The following RBFOX1 variants were observed in gnomAD, a reference collection of about 807,000 sequenced individuals.
RBFOX1 encodes the protein RNA binding protein fox-1 homolog 1.
In RBFOX1, 8 loss-of-function variants were observed where a neutral mutation model predicts 57.7. The observed-to-expected ratio is 0.14, with a 90% CI of 0.08 to 0.25. The LOEUF (loss-of-function observed/expected upper bound fraction) is 0.25, where lower values mean the gene tolerates loss of function less well. RBFOX1 is among the 10% of genes least tolerant of loss of function. The pLI, the probability that RBFOX1 is intolerant of heterozygous loss-of-function variation, is 1.00. For missense variants in RBFOX1, 611 were observed against 548.5 expected (o/e 1.11, Z -1.14); for synonymous variants, 326 against 222.4 (o/e 1.47, Z -4.15).
In RBFOX1 at chr16:5,298,997, T is replaced by C. The variant is rs74003856; in HGVS notation, c.219+58892T>C. 6.3e-3 allele frequency among the ~76,000 whole-genome samples: 831 copies of C among 132,820 alleles called. 11 individuals are homozygous for C. The highest frequency in any genetic ancestry group is 0.022 in the African/African-American group (768 of 34,708). 87.1% of individuals were successfully genotyped at this position (132,820 alleles called of 152,430 possible). On this transcript the variant is annotated intron_variant, in intron 1 of 2. Transcript: ENST00000585867. ...AGCATTCAATTTAATGGGTTTTGAC[T>C]TGCATACACCCACACAACCATCATG... is the stretch of plus-strand genomic sequence containing the variant.
At chr16:7,541,492 C>G (rs1026578609) in intron 5 of RBFOX1, among the ~76,000 whole-genome samples, 1 of 151,820 alleles carries the variant, frequency 6.6e-6, no homozygotes, top group African/African-American at 2.4e-5. Context: ...TTATCTCACT[C>G]AGAGTGAATT....
At chr16:7,060,726 A>C (rs1397740937) in intron 4 of RBFOX1, among the ~76,000 whole-genome samples, 1 of 152,176 alleles carries the variant, frequency 6.6e-6, no homozygotes, top group Admixed American at 6.5e-5. Context: ...TGACATTTCC[A>C]CGTATACATC....
chr16:6,784,343 A>C (rs370841233), intron 3 of RBFOX1, among the ~76,000 whole-genome samples: 3 of 152,070 alleles, frequency 2.0e-5, no homozygotes, highest in African/African-American at 7.2e-5. Context: ...ATTTTCAAAT[A>C]GCCTCTCTTT....
chr16:6,867,046 G>C (rs954417544), intron 3 of RBFOX1, among the ~76,000 whole-genome samples: 5 of 150,418 alleles, frequency 3.3e-5, no homozygotes, highest in Non-Finnish European at 7.4e-5. Flanking sequence ...TCCATGTCTT[G>C]CTATTATTAT....
At chr16:6,051,503 T>A (rs905777191) in intron 1 of RBFOX1, among the ~76,000 whole-genome samples, 1 of 152,028 alleles carries the variant, frequency 6.6e-6, no homozygotes, top group Non-Finnish European at 1.5e-5. Context: ...AATTTTTGTA[T>A]TTTTTAGTAG....
chr16:6,909,671 G>A (rs145597575), intron 3 of RBFOX1, among the ~76,000 whole-genome samples: 11 of 152,278 alleles, frequency 7.2e-5, no homozygotes, highest in Admixed American at 3.9e-4. Flanking sequence ...TAGAGAAGTC[G>A]GAATCCTATG....
chr16:6,418,531 T>TA (rs1378606038), intron 2 of RBFOX1, among the ~76,000 whole-genome samples: 12 of 145,744 alleles, frequency 8.2e-5, no homozygotes, highest in Admixed American at 8.1e-4. Context: ...TTTTTTTTTT[T>TA]TTTTTTTTTT....
chr16:7,341,070 G>A (rs780480589), intron 4 of RBFOX1, among the ~76,000 whole-genome samples: 3 of 151,968 alleles, frequency 2.0e-5, no homozygotes, highest in Non-Finnish European at 2.9e-5. Flanking sequence ...GGTTGTTTTG[G>A]GTAAGTGCTT....
At chr16:6,342,261 C>T (rs1419445476) in intron 2 of RBFOX1, among the ~76,000 whole-genome samples, 2 of 151,958 alleles carry the variant, frequency 1.3e-5, no homozygotes, top group East Asian at 1.9e-4. Context: ...GGAGAGATGG[C>T]GGTGGTCTGG....
intron 2 of RBFOX1, among the ~76,000 whole-genome samples, chr16:5,490,776 G>A (rs2042802121): frequency 6.6e-6 from 1 of 152,238 alleles, no homozygotes; most frequent in African/African-American, 2.4e-5. Flanking sequence ...TGCAGGCCGT[G>A]GGCTAGAAGT....
intron 4 of RBFOX1, among the ~76,000 whole-genome samples, chr16:7,230,390 T>A (rs1262797228): frequency 6.6e-6 from 1 of 152,154 alleles, no homozygotes; most frequent in African/African-American, 2.4e-5. Flanking sequence ...TGGCTTAACA[T>A]ATCAGCTTCC....
At chr16:7,566,077 G>A (rs958106213) in intron 5 of RBFOX1, among the ~76,000 whole-genome samples, 3 of 152,168 alleles carry the variant, frequency 2.0e-5, no homozygotes, top group Non-Finnish European at 2.9e-5. Context: ...TCCACGGGAC[G>A]CTCATATTCT....
chr16:5,996,114 C>G (rs550606602), intron 4 of RBFOX1, among the ~76,000 whole-genome samples: 2 of 152,266 alleles, frequency 1.3e-5, no homozygotes, highest in East Asian at 1.9e-4. Flanking sequence ...ATCTCACCTC[C>G]TAACACCATC....
At chr16:6,994,934 C>G (rs951729237) in intron 3 of RBFOX1, among the ~76,000 whole-genome samples, 2 of 140,584 alleles carry the variant, frequency 1.4e-5, no homozygotes, top group African/African-American at 2.7e-5. Flanking sequence ...GCATGTGATT[C>G]TTGCATTATT....
chr16:7,590,866 A>G (rs1303145822), intron 7 of RBFOX1, among the ~76,000 whole-genome samples: 2 of 130,446 alleles, frequency 1.5e-5, no homozygotes, highest in African/African-American at 3.6e-5. Context: ...TCTCTAAGAA[A>G]AAAAAAAAAA....
At chr16:7,546,623 C>A (rs190055009) in intron 5 of RBFOX1, among the ~76,000 whole-genome samples, 1 of 152,254 alleles carries the variant, frequency 6.6e-6, no homozygotes, top group Admixed American at 6.5e-5. Context: ...ATGATACCTG[C>A]TATACTGTTT....
At chr16:5,482,780 C>T (rs73510529) in intron 2 of RBFOX1, among the ~76,000 whole-genome samples, 32,417 of 152,044 alleles carry the variant, frequency 0.21, 3,717 homozygotes, top group Middle Eastern at 0.32. Flanking sequence ...CTTGGTATTG[C>T]CTCTGGGCAA....
intron 4 of RBFOX1, among the ~76,000 whole-genome samples, chr16:5,924,871 AGTCT>A (rs2058909420): frequency 1.3e-5 from 2 of 152,164 alleles, no homozygotes; most frequent in South Asian, 4.1e-4. Context: ...TGGGGAGTAA[AGTCT>A]AACTGTATCC....
chr16:6,830,297 C>A (rs574045422), intron 3 of RBFOX1, among the ~76,000 whole-genome samples: 24 of 152,294 alleles, frequency 1.6e-4, no homozygotes, highest in African/African-American at 5.8e-4. Flanking sequence ...CAGGGAAAGT[C>A]TAAAATAATA....
Sources: allele counts gnomAD v4.1 joint callset (sites outside exome capture counted in the v4.1 genomes callset), GRCh38; gene constraint gnomAD v4.1.1; transcripts MANE v1.5; gene names NCBI Gene and HGNC (gene_info 2026-07-23, HGNC 2026-07-21).